The following LRRC4C variants were observed in gnomAD, a reference collection of about 807,000 sequenced individuals.
LRRC4C encodes the protein leucine-rich repeat-containing protein 4C.
In LRRC4C, 5 loss-of-function variants were observed where a neutral mutation model predicts 33.6. That is an observed-to-expected ratio of 0.15 (90% CI 0.08 to 0.31). The LOEUF is 0.31. Among genes scored for constraint, LRRC4C ranks in the 10% least tolerant of loss-of-function variants. The pLI is 1.00. For missense variants in LRRC4C, 560 were observed against 796.7 expected, an observed-to-expected ratio of 0.70 and a Z score of 3.58; for synonymous variants, 329 against 302.0, an observed-to-expected ratio of 1.09 and a Z score of -0.93.
At chr11:40,296,131 C>G (rs1200892509) in intron 4 of LRRC4C, among the ~76,000 whole-genome samples, 1 of 152,092 alleles carries the variant, frequency 6.6e-6, no homozygotes, top group Non-Finnish European at 1.5e-5. Context: ...ATCTATTAGG[C>G]AAAGCAGCAG....
At chr11:40,824,072 C>T (rs1018476180) in intron 2 of LRRC4C, among the ~76,000 whole-genome samples, 11 of 151,646 alleles carry the variant, frequency 7.3e-5, no homozygotes, top group East Asian at 3.9e-4. Context: ...ACTTAATAAA[C>T]GTGGAATTTC....
rs533695583 is a variant in LRRC4C, at chr11:40,160,367, C to T, written c.-95-19514G>A. On this transcript the variant is annotated intron_variant, in intron 5 of 6. Coordinates refer to ENST00000528697, the MANE Select transcript of LRRC4C (RefSeq NM_001258419.2). ...GGGGAAGGAGAATTGCAGAAGGATC[C>T]GGTACCTCATCACAAGACTAAAGAT... Among the ~76,000 whole-genome samples the T allele has an allele frequency of 1.4e-3, 209 of 152,028 alleles. 1 individual carries two copies. The highest frequency in any genetic ancestry group is 0.011 in the South Asian group (51 of 4,806).
intron 1 of LRRC4C, among the ~76,000 whole-genome samples, chr11:41,421,070 C>T (rs989962578): frequency 3.0e-4 from 45 of 151,888 alleles, no homozygotes; most frequent in African/African-American, 1.1e-3. Context: ...CTCTCTGTGC[C>T]TCAGTTCCCT....
At chr11:40,550,303 G>A (rs1475844607) in intron 3 of LRRC4C, among the ~76,000 whole-genome samples, 1 of 151,910 alleles carries the variant, frequency 6.6e-6, no homozygotes, top group Non-Finnish European at 1.5e-5. Context: ...CTTTGATTTG[G>A]AGGTTTACCA....
At chr11:41,151,217 G>A (rs1368892246) in intron 1 of LRRC4C, among the ~76,000 whole-genome samples, 2 of 152,182 alleles carry the variant, frequency 1.3e-5, no homozygotes, top group Non-Finnish European at 2.9e-5. Context: ...TTAAGAAACA[G>A]TTGAGCTAGT....
At chr11:40,507,247 A>C (rs868286424) in intron 3 of LRRC4C, among the ~76,000 whole-genome samples, 27 of 152,268 alleles carry the variant, frequency 1.8e-4, no homozygotes, top group South Asian at 1.0e-3. Context: ...ATGATTAGAC[A>C]AAATATCTGG....
chr11:40,705,209 G>GT (rs1481964752), intron 2 of LRRC4C, among the ~76,000 whole-genome samples: 1 of 151,868 alleles, frequency 6.6e-6, no homozygotes, highest in Non-Finnish European at 1.5e-5. Flanking sequence ...TTTTATTTTA[G>GT]TTTTTTTATT....
At chr11:41,423,123 A>C (rs767919326) in intron 1 of LRRC4C, among the ~76,000 whole-genome samples, 1 of 152,126 alleles carries the variant, frequency 6.6e-6, no homozygotes, top group Non-Finnish European at 1.5e-5. Context: ...TTCAGGTCAC[A>C]ATGACTAACA....
In LRRC4C at chr11:41,408,676, T is replaced by C. The variant is rs114960605; in HGVS notation, c.-496+50755A>G. Reference sequence around the variant, plus strand: ...ATTGTATTAATTCTATGTTTATGGGTCAAAAATTTTACTCGCTGCTTTAGA... The same window carrying C: ...ATTGTATTAATTCTATGTTTATGGGCCAAAAATTTTACTCGCTGCTTTAGA... On this transcript the variant is annotated intron_variant, in intron 1 of 6. Coordinates refer to ENST00000528697, the MANE Select transcript of LRRC4C (RefSeq NM_001258419.2). 9.1e-3 allele frequency among the ~76,000 whole-genome samples: 1,369 copies of C among 150,888 alleles called. 21 individuals carry two copies. Among genetic ancestry groups the C allele is most frequent in the African/African-American group, 0.032 (1,298 of 40,894 alleles).
At chr11:41,071,457 T>C (rs1424574062) in intron 1 of LRRC4C, among the ~76,000 whole-genome samples, 1 of 152,122 alleles carries the variant, frequency 6.6e-6, no homozygotes, top group African/African-American at 2.4e-5. Flanking sequence ...TAAAAAAGTT[T>C]AGAGCCCTTA....
intron 1 of LRRC4C, among the ~76,000 whole-genome samples, chr11:40,989,322 A>G (rs548037166): frequency 6.6e-6 from 1 of 152,276 alleles, no homozygotes; most frequent in East Asian, 1.9e-4. Flanking sequence ...TGTTCTAGGC[A>G]CTTTAAAAAT....
intron 4 of LRRC4C, among the ~76,000 whole-genome samples, chr11:40,284,419 G>A (rs1669239406): frequency 1.3e-5 from 2 of 152,338 alleles, no homozygotes; most frequent in South Asian, 2.1e-4. Context: ...ATATCTAGAG[G>A]AAGAACGAGT....
intron 3 of LRRC4C, among the ~76,000 whole-genome samples, chr11:40,386,079 A>C (rs1407062344): frequency 1.4e-5 from 2 of 147,290 alleles, no homozygotes; most frequent in East Asian, 4.1e-4. Context: ...AAATATAATA[A>C]ATTAAAAAAC....
At chr11:41,034,150 C>CT (rs1416020016) in intron 1 of LRRC4C, among the ~76,000 whole-genome samples, 1 of 151,962 alleles carries the variant, frequency 6.6e-6, no homozygotes, top group Non-Finnish European at 1.5e-5. Context: ...GCTCTGCCCT[C>CT]TTTAATGGAT....
chr11:41,447,457 T>C (rs975412937), intron 1 of LRRC4C, among the ~76,000 whole-genome samples: 13 of 152,176 alleles, frequency 8.5e-5, no homozygotes, highest in Non-Finnish European at 1.5e-4. Context: ...TATGATATCT[T>C]AAGTTCTAAA....
At chr11:40,627,841 T>C (rs1963097911) in intron 3 of LRRC4C, among the ~76,000 whole-genome samples, 1 of 152,164 alleles carries the variant, frequency 6.6e-6, no homozygotes, top group Non-Finnish European at 1.5e-5. Context: ...ACTCCCTCTA[T>C]AGAAAGGCTC....
intron 5 of LRRC4C, among the ~76,000 whole-genome samples, chr11:40,157,188 G>T (rs1858769816): frequency 6.6e-6 from 1 of 152,136 alleles, no homozygotes; most frequent in Admixed American, 6.5e-5. Flanking sequence ...AAATGGTGCT[G>T]GGGTAATTGG....
chr11:40,939,454 T>C (rs1958047080), intron 1 of LRRC4C, among the ~76,000 whole-genome samples: 1 of 150,300 alleles, frequency 6.7e-6, no homozygotes, highest in African/African-American at 2.4e-5. Context: ...AGAAATCAAC[T>C]TACTGTAAAG....
intron 3 of LRRC4C, among the ~76,000 whole-genome samples, chr11:40,449,361 A>G (rs1951788978): frequency 6.7e-6 from 1 of 150,314 alleles, no homozygotes; most frequent in Admixed American, 6.6e-5. Context: ...AAAAAAAATC[A>G]ACTAAATCAA....
Sources: gnomAD v4.1 joint callset for allele counts (sites outside exome capture counted in the v4.1 genomes callset) on GRCh38, gnomAD v4.1.1 for gene constraint, MANE v1.5 for transcripts, NCBI Gene and HGNC (gene_info 2026-07-23, HGNC 2026-07-21) for gene names.